The following SUFU variants were observed in gnomAD, a reference collection of about 807,000 sequenced individuals.
SUFU encodes the protein suppressor of fused homolog.
A neutral mutation model predicts 58.9 loss-of-function variants in SUFU; 7 were observed. That is an observed-to-expected ratio of 0.12 (90% CI 0.07 to 0.22). SUFU has a LOEUF of 0.22. Among genes scored for constraint, SUFU ranks in the 10% least tolerant of loss-of-function variants. The probability of loss-of-function intolerance (pLI) is 1.00; values close to 1 mark genes in which losing one functional copy is unlikely to be tolerated. For synonymous variants in SUFU, 232 were observed against 254.8 expected (o/e 0.91, Z 0.85); for missense variants, 451 against 641.3 (o/e 0.70, Z 3.20).
chr10:102,585,888 CTT>C lies in SUFU; in HGVS notation c.455-6679_455-6678del, dbSNP rs34024871. Reference sequence around the variant, plus strand: ...ATGTGCTTATTAGCTATTTGTATATCTTTTTTTTTTTTTTTTGACAGAGTCTC... The same window carrying C: ...ATGTGCTTATTAGCTATTTGTATATCTTTTTTTTTTTTTTGACAGAGTCTC... On this transcript the variant is annotated intron_variant, in intron 3 of 11. Transcript: ENST00000369902. Among the ~76,000 whole-genome samples the C allele has an allele frequency of 8.1e-4, 109 of 134,994 alleles. 1 individual carries two copies. Among genetic ancestry groups the C allele is most frequent in the Middle Eastern group, 3.8e-3 (1 of 260 alleles). The allele number at this position is 134,994 out of a possible 152,430, so 88.6% of individuals were successfully genotyped here.
intron 1 of SUFU, among the ~76,000 whole-genome samples, chr10:102,505,742 T>A (rs1432541730): frequency 6.6e-6 from 1 of 152,198 alleles, no homozygotes; most frequent in East Asian, 1.9e-4. Context: ...GAGGTGGAAC[T>A]GGTGTCGCAG....
intron 9 of SUFU, 141 bp downstream of exon 9, chr10:102,615,543 G>T: frequency 4.1e-6 from 5 of 1,229,708 alleles, no homozygotes; most frequent in Non-Finnish European, 5.9e-6. Context: ...CGTGCTTCCC[G>T]TCTCCCTGTC....
At chr10:102,505,191 A>G (rs2062309749) in intron 1 of SUFU, among the ~76,000 whole-genome samples, 1 of 152,218 alleles carries the variant, frequency 6.6e-6, no homozygotes, top group Non-Finnish European at 1.5e-5. Context: ...CTTCTCGGCC[A>G]TGGCCTGCAG....
At chr10:102,547,839 G>GAGAGAGAAAGAA (rs769060827) in intron 2 of SUFU, among the ~76,000 whole-genome samples, 3 of 151,904 alleles carry the variant, frequency 2.0e-5, no homozygotes, top group South Asian at 2.1e-4. Context: ...GGGGGAGAGA[G>GAGAGAGAAAGAA]AGAGAGAAAG....
Position 102,627,186 on chromosome 10 carries a change from C to G in SUFU, c.1308C>G (p.Thr436=). ...AHGPWLQILL[T]EEFVEKMLED... ...TTGTGCCTTCACAGATTCTGTTGAC[C>G]GAAGAGTTTGTAGAGAAAATGTTGG... The change falls in exon 11 of 12, where the codon ACC becomes ACG. Residue 436 remains threonine (T), a synonymous_variant. Coordinates refer to ENST00000369902, the MANE Select transcript of SUFU (RefSeq NM_016169.4). 3 of 1,614,130 alleles carry G rather than the reference C, an allele frequency of 1.9e-6. No individual in the cohort carries two copies. Among genetic ancestry groups the G allele is most frequent in the Non-Finnish European group, 2.5e-6 (3 of 1,180,018 alleles).
intron 10 of SUFU, among the ~76,000 whole-genome samples, chr10:102,623,718 T>C (rs1481973043): frequency 6.6e-6 from 1 of 152,130 alleles, no homozygotes; most frequent in Non-Finnish European, 1.5e-5. Flanking sequence ...GGCGGATGGA[T>C]CATTTGAGGT....
At chr10:102,549,412 A>G (rs1247037405) in intron 2 of SUFU, among the ~76,000 whole-genome samples, 1 of 152,164 alleles carries the variant, frequency 6.6e-6, no homozygotes, top group Non-Finnish European at 1.5e-5. Flanking sequence ...CTATGACAAG[A>G]ACACTGTGGA....
chr10:102,592,462 C>A, intron 3 of SUFU, 120 bp from the exon 4 acceptor site: 2 of 1,161,952 alleles, frequency 1.7e-6, no homozygotes, highest in Non-Finnish European at 2.5e-6. Context: ...TCTCTTCCTT[C>A]ACAGGGGCTA....
chr10:102,632,083 C>CT lies in SUFU; in HGVS notation c.*1929dup, dbSNP rs1315926944. 3 of 233,314 alleles carry CT rather than the reference C, an allele frequency of 1.3e-5. No individual in the cohort carries two copies. The highest frequency in any genetic ancestry group is 6.6e-5 in the African/African-American group (3 of 45,344). 14.5% of individuals were successfully genotyped at this position (233,314 alleles called of 1,614,324 possible). On this transcript the variant is annotated 3_prime_UTR_variant, in exon 12 of 12. Transcript: ENST00000369902. The stretch of plus-strand genomic sequence containing the variant: ...CATGACCAGCCTCTCCCTGAACTCT[C>CT]TCTTGCTCGGGACCTGCCTGAGGGC...
intron 3 of SUFU, among the ~76,000 whole-genome samples, chr10:102,577,498 C>A (rs2063224765): frequency 6.6e-6 from 1 of 152,078 alleles, no homozygotes; most frequent in African/African-American, 2.4e-5. Flanking sequence ...GCCACCACAC[C>A]TGGCTAAATT....
At chr10:102,601,575 A>G (rs531351476) in intron 8 of SUFU, among the ~76,000 whole-genome samples, 89 of 152,284 alleles carry the variant, frequency 5.8e-4, no homozygotes, top group African/African-American at 2.1e-3. Flanking sequence ...GGCTGTCAGT[A>G]TTGGTTACCA....
chr10:102,517,588 T>G (rs1030027816), intron 2 of SUFU, among the ~76,000 whole-genome samples: 4 of 152,210 alleles, frequency 2.6e-5, no homozygotes, highest in Non-Finnish European at 5.9e-5. Context: ...CTCTCCCTTA[T>G]CCACCTTTCT....
At position 102,625,277 on chromosome 10, in the gene SUFU, C is replaced by T. The variant is rs2063775357; in HGVS notation, c.1297-1898C>T. Reference sequence around the variant, plus strand: ...AATTAGGAAGAACTGTAGGGGTGCACCTCCCCGAACTTTGCCAACTTTGCC... The same window carrying T: ...AATTAGGAAGAACTGTAGGGGTGCATCTCCCCGAACTTTGCCAACTTTGCC... On this transcript the variant is annotated intron_variant, in intron 10 of 11. Transcript: ENST00000369902. The surrounding 1 kb of genome is among the most constrained non-coding windows in gnomAD (Gnocchi z 4.7). 6.6e-6 allele frequency among the ~76,000 whole-genome samples: 1 copy of T among 152,148 alleles called. No homozygotes were observed. The highest frequency in any genetic ancestry group is 2.1e-4 in the South Asian group (1 of 4,828).
At chr10:102,586,501 G>C (rs1386660383) in intron 3 of SUFU, among the ~76,000 whole-genome samples, 1 of 151,920 alleles carries the variant, frequency 6.6e-6, no homozygotes, top group Non-Finnish European at 1.5e-5. Flanking sequence ...GTGAAACCCT[G>C]TCTCTACTAA....
intron 3 of SUFU, chr10:102,573,112 C>T: frequency 1.3e-6 from 1 of 776,326 alleles, no homozygotes; most frequent in Non-Finnish European, 2.3e-6. Context: ...TGCGGATCTT[C>T]TTTTTTTTGT....
At position 102,617,678 on chromosome 10, in the gene SUFU, C is replaced by T; in HGVS notation, c.1296+250C>T. ...GACACAAGTGTTAACTCTCCAGGCC[C>T]TGGCTCTTGGTAATTCTGGTTCCCC... On this transcript the variant is annotated intron_variant, in intron 10 of 11. Coordinates refer to ENST00000369902, the MANE Select transcript of SUFU (RefSeq NM_016169.4). The surrounding 1 kb of genome is among the most constrained non-coding windows in gnomAD (Gnocchi z 4.4). 1.6e-6 allele frequency: 1 copy of T among 612,966 alleles called. No homozygotes were observed. Among genetic ancestry groups the T allele is most frequent in the South Asian group, 2.1e-5 (1 of 48,190 alleles). The allele number at this position is 612,966 out of a possible 1,614,324, so 38.0% of individuals were successfully genotyped here.
rs776945270 is a variant in SUFU, at chr10:102,504,332, C to T, written c.180C>T (p.Tyr60=). 2.5e-6 allele frequency: 4 copies of T among 1,614,118 alleles called. No individual in the cohort carries two copies. The highest frequency in any genetic ancestry group is 2.2e-5 in the East Asian group (1 of 44,866). Residue 60 remains tyrosine, a splice_region_variant and synonymous_variant, in exon 1 of 12, where the codon TAC becomes TAT. Transcript: ENST00000369902. ...TCCAGGTTACCGCTATCGTCAAGTA[C>T]TGGTATGCTCTGGGCCGCGGGGAGA... ...NPLQVTAIVK[Y]WLGGPDPLDY...
intron 3 of SUFU, among the ~76,000 whole-genome samples, chr10:102,571,344 A>G (rs1176455113): frequency 1.3e-5 from 2 of 152,168 alleles, no homozygotes; most frequent in Non-Finnish European, 2.9e-5. Flanking sequence ...GATGAGGCCA[A>G]CCAAAATTCT....
intron 2 of SUFU, among the ~76,000 whole-genome samples, chr10:102,516,042 G>T (rs1283261044): frequency 6.6e-6 from 1 of 152,006 alleles, no homozygotes; most frequent in Non-Finnish European, 1.5e-5. Flanking sequence ...TTCACTTAGG[G>T]TTGGAGTTCA....
Sources: gnomAD v4.1 joint callset for allele counts (sites outside exome capture counted in the v4.1 genomes callset) on GRCh38, gnomAD v4.1.1 for gene constraint, Gnocchi (gnomAD v3.1) non-coding constraint, MANE v1.5 for transcripts, NCBI Gene and HGNC (gene_info 2026-07-23, HGNC 2026-07-21) for gene names.